GABBR2: variants seen among roughly 807,000 people sequenced by gnomAD.
GABBR2 encodes the protein G-protein coupled receptor 51.
In GABBR2, 23 loss-of-function variants were observed where a neutral mutation model predicts 105.6. That is an observed-to-expected ratio of 0.22 (90% CI 0.16 to 0.31). The LOEUF (loss-of-function observed/expected upper bound fraction) is 0.31, where lower values mean the gene tolerates loss of function less well. GABBR2 is among the 10% of genes least tolerant of loss of function. The pLI is 1.00. For missense variants in GABBR2, 734 were observed against 1,245.5 expected (o/e 0.59, Z 6.18); for synonymous variants, 478 against 499.7 (o/e 0.96, Z 0.58).
intron 6 of GABBR2, among the ~76,000 whole-genome samples, chr9:98,458,746 T>A (rs985441569): frequency 1.3e-5 from 2 of 152,198 alleles, no homozygotes; most frequent in Non-Finnish European, 2.9e-5. Flanking sequence ...ATGCCAGGGA[T>A]ACATTTTGGT....
At chr9:98,557,188 G>T (rs756342833) in intron 2 of GABBR2, among the ~76,000 whole-genome samples, 5 of 152,214 alleles carry the variant, frequency 3.3e-5, no homozygotes, top group Non-Finnish European at 7.4e-5. Context: ...TTGCTCCAGC[G>T]TCCTCTCTCA....
chr9:98,569,975 A>G (rs910685959), intron 2 of GABBR2, among the ~76,000 whole-genome samples: 2 of 152,382 alleles, frequency 1.3e-5, no homozygotes, highest in Admixed American at 1.3e-4. Context: ...TTCAGTAAAT[A>G]GCAAAAGGCC....
intron 2 of GABBR2, among the ~76,000 whole-genome samples, chr9:98,564,279 C>T (rs568222116): frequency 3.5e-4 from 53 of 152,288 alleles, no homozygotes; most frequent in African/African-American, 1.2e-3. Flanking sequence ...TAGAGGCCTT[C>T]GGGAGACCTC....
intron 1 of GABBR2, among the ~76,000 whole-genome samples, chr9:98,705,331 T>C (rs1830880000): frequency 6.6e-6 from 1 of 152,236 alleles, no homozygotes; most frequent in Admixed American, 6.5e-5. Context: ...ACTATTCTAC[T>C]TACAGAAGAG....
At chr9:98,666,627 C>T (rs1471149970) in intron 1 of GABBR2, among the ~76,000 whole-genome samples, 2 of 152,136 alleles carry the variant, frequency 1.3e-5, no homozygotes, top group Non-Finnish European at 2.9e-5. Context: ...CTGGCCTCAG[C>T]CTCCCAAGTA....
chr9:98,455,668 A>C (rs1826313380), intron 6 of GABBR2, among the ~76,000 whole-genome samples: 1 of 152,144 alleles, frequency 6.6e-6, no homozygotes, highest in African/African-American at 2.4e-5. Flanking sequence ...AAACCACCAC[A>C]AGTTGTTTGG....
chr9:98,690,349 G>A (rs337535), intron 1 of GABBR2, among the ~76,000 whole-genome samples: 139,171 of 152,176 alleles, frequency 0.91, 63,789 homozygotes, highest in Middle Eastern at 0.96. Flanking sequence ...TTTCCCCAGG[G>A]CTCCCCCAAA....
intron 7 of GABBR2, among the ~76,000 whole-genome samples, chr9:98,412,219 G>A (rs1429854623): frequency 1.3e-5 from 2 of 152,260 alleles, no homozygotes; most frequent in African/African-American, 2.4e-5. Context: ...TACAGGCAAC[G>A]CCTGGGCAGG....
intron 1 of GABBR2, among the ~76,000 whole-genome samples, chr9:98,641,145 TC>T (rs374856671): frequency 0.038 from 4,392 of 114,692 alleles, 62 homozygotes; most frequent in African/African-American, 0.06. Flanking sequence ...TTTTTTTTTT[TC>T]TTTTTGAGAC....
intron 3 of GABBR2, among the ~76,000 whole-genome samples, chr9:98,531,834 A>G (rs1828073719): frequency 6.6e-6 from 1 of 152,156 alleles, no homozygotes; most frequent in Non-Finnish European, 1.5e-5. Context: ...GGAGAAGTCT[A>G]TTGCCAGTCC....
chr9:98,542,941 A>G (rs568066919), intron 2 of GABBR2, among the ~76,000 whole-genome samples: 1 of 150,426 alleles, frequency 6.6e-6, no homozygotes, highest in South Asian at 2.1e-4. Flanking sequence ...TGCTTTTCAG[A>G]TTGAATTTAA....
intron 16 of GABBR2, 80 bp from the exon 17 acceptor site, chr9:98,299,433 A>C: frequency 5.3e-5 from 81 of 1,524,934 alleles, no homozygotes; most frequent in Non-Finnish European, 7.1e-5. Context: ...AAGGTAGCTC[A>C]CAGGGCTGGG....
At chr9:98,334,622 T>A (rs1211514947) in intron 13 of GABBR2, among the ~76,000 whole-genome samples, 1 of 117,092 alleles carries the variant, frequency 8.5e-6, no homozygotes, top group East Asian at 3.0e-4. Flanking sequence ...GGAGTTGGGG[T>A]ACCAGTCCAG....
At chr9:98,376,855 G>C (rs1287948265) in intron 11 of GABBR2, among the ~76,000 whole-genome samples, 1 of 152,180 alleles carries the variant, frequency 6.6e-6, no homozygotes, top group East Asian at 1.9e-4. Context: ...GGGCCTAGGG[G>C]CCATCTTAGA....
rs546515414 is a variant in GABBR2, at chr9:98,350,569, T to C, written c.1893+12146A>G. 5.3e-5 allele frequency among the ~76,000 whole-genome samples: 8 copies of C among 152,332 alleles called. No individual in the cohort carries two copies. The East Asian group carries it at 1.5e-3, about 29-fold the overall frequency. ...TTTCCAAGGTTCCTTTTGTTATTGATTTCTAATTTTATTCCACTGTGATTT... is the reference window on the plus strand; with the variant it reads ...TTTCCAAGGTTCCTTTTGTTATTGACTTCTAATTTTATTCCACTGTGATTT... On this transcript the variant is annotated intron_variant, in intron 13 of 18. Transcript: ENST00000259455.
chr9:98,607,099 G>A, intron 1 of GABBR2: 1 of 1,596,690 alleles, frequency 6.3e-7, no homozygotes, highest in South Asian at 1.1e-5. Context: ...TCACGCTATG[G>A]TAGTGGGTGG....
At chr9:98,428,200 G>A (rs1010478131) in intron 7 of GABBR2, among the ~76,000 whole-genome samples, 1 of 152,236 alleles carries the variant, frequency 6.6e-6, no homozygotes, top group Admixed American at 6.5e-5. Context: ...GGCAGATTGA[G>A]GGAGTAGACA....
intron 1 of GABBR2, among the ~76,000 whole-genome samples, chr9:98,676,841 T>C (rs1830484290): frequency 6.6e-6 from 1 of 152,204 alleles, no homozygotes; most frequent in Non-Finnish European, 1.5e-5. Context: ...GCAGCTTACA[T>C]GTAACCCAAA....
At chr9:98,526,198 T>C (rs1564104021) in intron 3 of GABBR2, among the ~76,000 whole-genome samples, 1 of 152,176 alleles carries the variant, frequency 6.6e-6, no homozygotes, top group Non-Finnish European at 1.5e-5. Flanking sequence ...TCCAATAGTT[T>C]CCCAACTGAC....
Sources: allele counts gnomAD v4.1 joint callset (sites outside exome capture counted in the v4.1 genomes callset), GRCh38; gene constraint gnomAD v4.1.1; transcripts MANE v1.5; gene names NCBI Gene and HGNC (gene_info 2026-07-23, HGNC 2026-07-21).